KLF12: variants seen among roughly 807,000 people sequenced by gnomAD.
KLF12 encodes KLF transcription factor 12, also known as Krueppel-like factor 12.
A neutral mutation model predicts 37.8 loss-of-function variants in KLF12; 9 were observed. The observed-to-expected ratio is 0.24, with a 90% CI of 0.14 to 0.42. The LOEUF is 0.42. Ranked by LOEUF, KLF12 falls within the 10% of genes least tolerant of loss-of-function variation. The pLI is 1.00. For synonymous variants in KLF12, 208 were observed against 202.1 expected, an observed-to-expected ratio of 1.03 and a Z score of -0.25; for missense variants, 411 against 516.0, an observed-to-expected ratio of 0.80 and a Z score of 1.97.
rs67945624 is a variant in KLF12 at position 73,953,970 on chromosome 13, C to CTTTT, written c.34-9904_34-9901dup. Among the ~76,000 whole-genome samples, 47 of 88,532 alleles carry CTTTT rather than the reference C, an allele frequency of 5.3e-4. 2 individuals are homozygous for CTTTT. The highest frequency in any genetic ancestry group is 1.9e-3 in the African/African-American group (42 of 22,674). 58.1% of individuals were successfully genotyped at this position (88,532 alleles called of 152,430 possible). A position where few individuals can be genotyped will look rare whatever the true frequency, so the allele number is the denominator to read the frequency against. Reference sequence around the variant, plus strand: ...AGTAATTAGGTTTTGTTTTTTCTTTCTTTTTTTTTTTTTTTTTTTTTTTTT... The same window carrying CTTTT: ...AGTAATTAGGTTTTGTTTTTTCTTTCTTTTTTTTTTTTTTTTTTTTTTTTTTTTT... On this transcript the variant is annotated intron_variant, in intron 2 of 7. Transcript: ENST00000377669.
At chr13:74,202,859 T>C in the KLF12 span, among the ~76,000 whole-genome samples, 2 of 152,062 alleles carry the variant, frequency 1.3e-5, no homozygotes, top group African/African-American at 4.8e-5. Context: ...GTTCAAAAAA[T>C]GGATTAATGC....
chr13:74,010,726 G>T (rs966767527), intron 1 of KLF12, among the ~76,000 whole-genome samples: 1 of 152,002 alleles, frequency 6.6e-6, no homozygotes, highest in Non-Finnish European at 1.5e-5. Context: ...AAAAAAAGCT[G>T]CATGAACCTC....
chr13:73,720,888 A>G (rs185104567), intron 6 of KLF12, among the ~76,000 whole-genome samples: 2 of 152,348 alleles, frequency 1.3e-5, no homozygotes, highest in Admixed American at 1.3e-4. Flanking sequence ...AGGAGTTAAA[A>G]AAAAATTAAA....
chr13:74,238,884 A>T, the KLF12 span, among the ~76,000 whole-genome samples: 1 of 151,762 alleles, frequency 6.6e-6, no homozygotes, highest in Non-Finnish European at 1.5e-5. Context: ...ATCCTTTCAA[A>T]AAACCAGCTC....
the KLF12 span, among the ~76,000 whole-genome samples, chr13:74,160,114 T>A: frequency 3.9e-5 from 6 of 152,208 alleles, no homozygotes; most frequent in Non-Finnish European, 7.3e-5. Flanking sequence ...CAATTTGGCT[T>A]ATGAATACTT....
intron 5 of KLF12, among the ~76,000 whole-genome samples, chr13:73,807,817 A>G (rs955616936): frequency 1.3e-5 from 2 of 152,174 alleles, no homozygotes; most frequent in African/African-American, 4.8e-5. Flanking sequence ...TCCTCTCTTC[A>G]GTTTTACTGA....
At chr13:74,249,551 G>T in the KLF12 span, among the ~76,000 whole-genome samples, 1 of 152,104 alleles carries the variant, frequency 6.6e-6, no homozygotes, top group Non-Finnish European at 1.5e-5. Context: ...GTGGGTAGGA[G>T]GAGCATCAAC....
intron 3 of KLF12, among the ~76,000 whole-genome samples, chr13:73,919,671 C>T (rs991371935): frequency 4.6e-5 from 7 of 152,126 alleles, no homozygotes; most frequent in Admixed American, 1.3e-4. Flanking sequence ...TAACATTGCA[C>T]GCCATATTGT....
intron 1 of KLF12, among the ~76,000 whole-genome samples, chr13:74,084,162 G>C (rs1593886021): frequency 6.6e-6 from 1 of 152,162 alleles, no homozygotes; most frequent in South Asian, 2.1e-4. Context: ...ATAACCGAAT[G>C]AACAGGGTGA....
At chr13:73,962,563 A>G (rs1339032876) in intron 2 of KLF12, among the ~76,000 whole-genome samples, 1 of 152,110 alleles carries the variant, frequency 6.6e-6, no homozygotes. Flanking sequence ...ATTTTTAAGG[A>G]GGTTGCGTAT....
chr13:74,021,528 C>G (rs984043722), intron 1 of KLF12, among the ~76,000 whole-genome samples: 6 of 152,042 alleles, frequency 3.9e-5, no homozygotes, highest in Admixed American at 3.9e-4. Context: ...CATAATAGAT[C>G]CAGAGGAGGG....
chr13:74,282,456 G>A, the KLF12 span, among the ~76,000 whole-genome samples: 1 of 152,174 alleles, frequency 6.6e-6, no homozygotes, highest in Non-Finnish European at 1.5e-5. Flanking sequence ...AGTGTTTTCT[G>A]TGGATTCACC....
chr13:74,128,539 T>G (rs1389326115), intron 1 of KLF12, among the ~76,000 whole-genome samples: 1 of 152,192 alleles, frequency 6.6e-6, no homozygotes, highest in Non-Finnish European at 1.5e-5. Context: ...GTTAAGAAAT[T>G]TGACCAAGGT....
At chr13:73,718,017 T>C (rs765111081) in intron 6 of KLF12, among the ~76,000 whole-genome samples, 3 of 152,192 alleles carry the variant, frequency 2.0e-5, no homozygotes, top group Admixed American at 6.5e-5. Flanking sequence ...CTTTTAAAAG[T>C]GAGAAAATGA....
chr13:73,836,552 A>G (rs1884443137), intron 4 of KLF12, among the ~76,000 whole-genome samples: 1 of 152,202 alleles, frequency 6.6e-6, no homozygotes, highest in Admixed American at 6.5e-5. Flanking sequence ...TACAGTGAGT[A>G]TAGATGCCAA....
rs182857646 is a variant in KLF12 at position 74,020,617 on chromosome 13, G to A, written c.-31-25564C>T. ...AAAAATATGGAATGGAAGGCTGGGCGCAGTGGCTCACGTCTGTAATCCCAG... is the reference window on the plus strand; with the variant it reads ...AAAAATATGGAATGGAAGGCTGGGCACAGTGGCTCACGTCTGTAATCCCAG... On this transcript the variant is annotated intron_variant, in intron 1 of 7. Coordinates refer to ENST00000377669, the MANE Select transcript of KLF12 (RefSeq NM_007249.5). Among the ~76,000 whole-genome samples, 154 of 152,230 alleles carry A rather than the reference G, an allele frequency of 1.0e-3. 3 individuals are homozygous for A. The East Asian group carries it at 0.022, about 22-fold the overall frequency.
At chr13:74,111,724 A>G (rs192550435) in intron 1 of KLF12, among the ~76,000 whole-genome samples, 4,361 of 152,026 alleles carry the variant, frequency 0.029, 201 homozygotes, top group African/African-American at 0.099. Context: ...CAATGGGGAA[A>G]AAAGGTCTTT....
chr13:73,898,059 C>A (rs995608122), intron 3 of KLF12, among the ~76,000 whole-genome samples: 1 of 152,188 alleles, frequency 6.6e-6, no homozygotes, highest in Non-Finnish European at 1.5e-5. Context: ...CCTCACTACA[C>A]TCACCTGCCT....
At chr13:73,733,654 C>T (rs1877237578) in intron 6 of KLF12, among the ~76,000 whole-genome samples, 1 of 152,030 alleles carries the variant, frequency 6.6e-6, no homozygotes, top group Non-Finnish European at 1.5e-5. Context: ...TGTTTGGGTC[C>T]CTGCTTCCAA....
Sources: gnomAD v4.1 joint callset for allele counts (sites outside exome capture counted in the v4.1 genomes callset) on GRCh38, gnomAD v4.1.1 for gene constraint, MANE v1.5 for transcripts, NCBI Gene and HGNC (gene_info 2026-07-23, HGNC 2026-07-21) for gene names.